MAML2: variants seen among roughly 807,000 people sequenced by gnomAD.
The protein encoded by MAML2 is mastermind like transcriptional coactivator 2.
MAML2 carries 22 observed loss-of-function variants against 96.1 expected under a neutral mutation model. The observed-to-expected ratio is 0.23, with a 90% confidence interval of 0.16 to 0.33. MAML2 has a LOEUF of 0.33. Among genes scored for constraint, MAML2 ranks in the 10% least tolerant of loss-of-function variants. The pLI, the probability that MAML2 is intolerant of heterozygous loss-of-function variation, is 1.00. For synonymous variants in MAML2, 561 were observed against 521.3 expected (o/e 1.08, Z -1.04); for missense variants, 1,367 against 1,392.4 (o/e 0.98, Z 0.29).
At chr11:96,222,310 A>AGCACT (rs1467785882) in intron 1 of MAML2, among the ~76,000 whole-genome samples, 2 of 152,194 alleles carry the variant, frequency 1.3e-5, no homozygotes, top group East Asian at 3.8e-4. Flanking sequence ...TGTGGCGCTC[A>AGCACT]GCACTGCACA....
At chr11:96,044,462 A>G (rs1858864164) in intron 2 of MAML2, among the ~76,000 whole-genome samples, 1 of 152,052 alleles carries the variant, frequency 6.6e-6, no homozygotes, top group South Asian at 2.1e-4. Flanking sequence ...CTCTCCTTTC[A>G]TATGGTTATT....
chr11:96,317,614 G>A (rs1162788719), intron 1 of MAML2, among the ~76,000 whole-genome samples: 2 of 152,146 alleles, frequency 1.3e-5, no homozygotes, highest in African/African-American at 4.8e-5. Flanking sequence ...TTCTCTAATG[G>A]TCACTCCAGG....
At chr11:96,193,384 A>T (rs1861684395) in intron 1 of MAML2, among the ~76,000 whole-genome samples, 2 of 152,220 alleles carry the variant, frequency 1.3e-5, no homozygotes, top group Non-Finnish European at 2.9e-5. Context: ...CAACAAAAAA[A>T]AATGTGTCTG....
At chr11:96,268,433 G>A (rs1862862207) in intron 1 of MAML2, among the ~76,000 whole-genome samples, 1 of 152,176 alleles carries the variant, frequency 6.6e-6, no homozygotes, top group African/African-American at 2.4e-5. Context: ...GTTACAGTGA[G>A]TTATGATCAC....
chr11:96,212,141 G>GTGTC (rs1200756469), intron 1 of MAML2, among the ~76,000 whole-genome samples: 3 of 149,838 alleles, frequency 2.0e-5, no homozygotes, highest in African/African-American at 7.3e-5. Flanking sequence ...GTGTGTGTGT[G>GTGTC]TGTGTGTGTG....
intron 1 of MAML2, among the ~76,000 whole-genome samples, chr11:96,205,699 A>C (rs1335847577): frequency 1.3e-5 from 2 of 152,216 alleles, no homozygotes; most frequent in Non-Finnish European, 2.9e-5. Flanking sequence ...GCTTCTGATG[A>C]GCTGCCTTCT....
intron 1 of MAML2, among the ~76,000 whole-genome samples, chr11:96,216,603 T>A (rs1240638942): frequency 6.6e-6 from 1 of 152,174 alleles, no homozygotes; most frequent in Non-Finnish European, 1.5e-5. Flanking sequence ...GCACTCCAGA[T>A]TACTTGTAAT....
chr11:96,155,509 A>AATAAATATAT (rs541216405), intron 1 of MAML2, among the ~76,000 whole-genome samples: 3 of 74,848 alleles, frequency 4.0e-5, no homozygotes, highest in East Asian at 3.4e-4. Flanking sequence ...TAACAATTCA[A>AATAAATATAT]ATATATATAT....
chr11:96,008,780 T>C (rs1244588424), intron 2 of MAML2, among the ~76,000 whole-genome samples: 1 of 152,300 alleles, frequency 6.6e-6, no homozygotes, highest in East Asian at 1.9e-4. Flanking sequence ...TAAAAATTAT[T>C]TAACTAAACT....
At chr11:96,284,612 G>A (rs1020037879) in intron 1 of MAML2, among the ~76,000 whole-genome samples, 1 of 152,164 alleles carries the variant, frequency 6.6e-6, no homozygotes, top group Non-Finnish European at 1.5e-5. Context: ...AAGTAACTGT[G>A]ACACCATTTG....
chr11:96,131,006 A>C (rs1474365767), intron 1 of MAML2, among the ~76,000 whole-genome samples: 1 of 152,166 alleles, frequency 6.6e-6, no homozygotes, highest in African/African-American at 2.4e-5. Context: ...CAAAAGCATA[A>C]ATTTCATAAC....
chr11:95,994,196 GAGA>G (rs1857956763), intron 2 of MAML2, among the ~76,000 whole-genome samples: 1 of 152,210 alleles, frequency 6.6e-6, no homozygotes, highest in Non-Finnish European at 1.5e-5. Context: ...GTGTGTTGGA[GAGA>G]AGGACAGGGG....
chr11:96,214,704 C>G (rs138934591), intron 1 of MAML2, among the ~76,000 whole-genome samples: 390 of 152,304 alleles, frequency 2.6e-3, no homozygotes, highest in Non-Finnish European at 4.4e-3. Flanking sequence ...ACATTTTTGT[C>G]CTGAGTGGCA....
intron 2 of MAML2, among the ~76,000 whole-genome samples, chr11:96,030,232 TA>T (rs61022431): frequency 0.021 from 2,836 of 136,430 alleles, 46 homozygotes; most frequent in East Asian, 0.092. Flanking sequence ...TGAGACTCCA[TA>T]AAAAAAAAAA....
At chr11:96,307,365 T>C (rs1863478566) in intron 1 of MAML2, among the ~76,000 whole-genome samples, 1 of 152,234 alleles carries the variant, frequency 6.6e-6, no homozygotes, top group African/African-American at 2.4e-5. Context: ...ATGCTTTTAC[T>C]GTAAAGGAAG....
intron 1 of MAML2, among the ~76,000 whole-genome samples, chr11:96,103,850 A>G (rs952399451): frequency 2.0e-5 from 3 of 152,164 alleles, no homozygotes; most frequent in African/African-American, 7.2e-5. Flanking sequence ...TCTCAACCCA[A>G]ACTCCAGCTA....
chr11:96,307,794 G>A (rs1053934849), intron 1 of MAML2, among the ~76,000 whole-genome samples: 4 of 152,040 alleles, frequency 2.6e-5, no homozygotes, highest in Admixed American at 2.6e-4. Context: ...AAGTGTCTGG[G>A]CTCCCACAAA....
chr11:96,231,910 C>G (rs1274364210), intron 1 of MAML2, among the ~76,000 whole-genome samples: 1 of 152,208 alleles, frequency 6.6e-6, no homozygotes, highest in Non-Finnish European at 1.5e-5. Context: ...TGATTCCATG[C>G]TCACCAAGAG....
intron 1 of MAML2, among the ~76,000 whole-genome samples, chr11:96,245,485 T>G (rs554348307): frequency 6.6e-6 from 1 of 152,156 alleles, no homozygotes; most frequent in Non-Finnish European, 1.5e-5. Context: ...TAAATGAATT[T>G]GTAGATTTCT....
Sources: gnomAD v4.1 joint callset for allele counts (sites outside exome capture counted in the v4.1 genomes callset) on GRCh38, gnomAD v4.1.1 for gene constraint, MANE v1.5 for transcripts, NCBI Gene and HGNC (gene_info 2026-07-23, HGNC 2026-07-21) for gene names.